The following SNTG1 variants were observed in gnomAD, a reference collection of about 807,000 sequenced individuals.
SNTG1 encodes the protein syntrophin gamma 1.
SNTG1 carries 39 observed loss-of-function variants against 74.7 expected under a neutral mutation model. That is an observed-to-expected ratio of 0.52 (90% CI 0.40 to 0.68). The LOEUF is 0.68. Among genes scored for constraint, SNTG1 ranks in the 30% least tolerant of loss-of-function variants. The pLI is 0.00. For missense variants in SNTG1, 685 were observed against 609.5 expected (o/e 1.12, Z -1.30); for synonymous variants, 254 against 217.1 (o/e 1.17, Z -1.49).
chr8:50,640,592 A>T (rs1317540867), intron 13 of SNTG1, among the ~76,000 whole-genome samples: 9 of 152,106 alleles, frequency 5.9e-5, no homozygotes, highest in Admixed American at 5.9e-4. Flanking sequence ...AGACATGGAC[A>T]CCTATCTACC....
chr8:50,100,625 AC>A (rs1482694125), intron 1 of SNTG1, among the ~76,000 whole-genome samples: 1 of 152,094 alleles, frequency 6.6e-6, no homozygotes, highest in Non-Finnish European at 1.5e-5. Context: ...TACTTGACAA[AC>A]TTTTGAGGTA....
intron 1 of SNTG1, among the ~76,000 whole-genome samples, chr8:50,025,033 G>T (rs1225928277): frequency 2.6e-5 from 4 of 152,054 alleles, no homozygotes; most frequent in Non-Finnish European, 5.9e-5. Flanking sequence ...GTGAAACTGT[G>T]GATAAGGGCA....
At chr8:50,414,180 T>C (rs1209490890) in intron 4 of SNTG1, among the ~76,000 whole-genome samples, 1 of 152,168 alleles carries the variant, frequency 6.6e-6, no homozygotes. Flanking sequence ...GGCTCTATAA[T>C]GTGTTATGAA....
intron 2 of SNTG1, among the ~76,000 whole-genome samples, chr8:50,300,676 GT>G (rs2089606130): frequency 6.6e-6 from 1 of 151,990 alleles, no homozygotes; most frequent in South Asian, 2.1e-4. Context: ...AGTATTCATT[GT>G]TTCTCTGTGT....
chr8:50,005,274 A>C (rs1451249754), intron 1 of SNTG1, among the ~76,000 whole-genome samples: 2 of 152,162 alleles, frequency 1.3e-5, no homozygotes, highest in Admixed American at 1.3e-4. Context: ...TACAAATAAA[A>C]ACTATTATTT....
intron 13 of SNTG1, among the ~76,000 whole-genome samples, chr8:50,620,499 C>G (rs960287630): frequency 6.6e-6 from 1 of 152,124 alleles, no homozygotes. Context: ...ATGTGTCAGG[C>G]GTACTATTCT....
intron 2 of SNTG1, among the ~76,000 whole-genome samples, chr8:50,338,340 G>C (rs2091218408): frequency 6.6e-6 from 1 of 152,046 alleles, no homozygotes; most frequent in Admixed American, 6.6e-5. Context: ...ACTCACATCA[G>C]TTTCTTTTAC....
chr8:50,064,460 G>A (rs1157475996), intron 1 of SNTG1, among the ~76,000 whole-genome samples: 2 of 152,022 alleles, frequency 1.3e-5, no homozygotes, highest in Non-Finnish European at 2.9e-5. Context: ...ATCTCCTAAT[G>A]AACTTTCCCG....
intron 1 of SNTG1, among the ~76,000 whole-genome samples, chr8:50,092,278 A>G (rs1222115045): frequency 6.6e-6 from 1 of 152,176 alleles, no homozygotes; most frequent in East Asian, 1.9e-4. Context: ...CATTGCTATC[A>G]GTGGACATGT....
intron 2 of SNTG1, among the ~76,000 whole-genome samples, chr8:50,352,540 G>A (rs780368598): frequency 1.7e-4 from 26 of 152,018 alleles, no homozygotes; most frequent in Non-Finnish European, 3.2e-4. Flanking sequence ...ACAGGCATGC[G>A]CCACCACACC....
rs577585726 is a variant in SNTG1 at position 50,792,931 on chromosome 8, G to T, written c.*102G>T. On this transcript the variant is annotated 3_prime_UTR_variant, in exon 19 of 19. Transcript: ENST00000642720. ...AAACCATAACATCACCAAGTCGACAGTGGAGGCAAATCAAAATTTCGGCAG... is the reference window on the plus strand; with the variant it reads ...AAACCATAACATCACCAAGTCGACATTGGAGGCAAATCAAAATTTCGGCAG... The T allele has an allele frequency of 3.2e-5, 43 of 1,325,356 alleles. No homozygotes were observed. In the South Asian group the frequency reaches 5.3e-4, roughly 16 times the overall value. 82.1% of individuals were successfully genotyped at this position (1,325,356 alleles called of 1,614,324 possible). A position where few individuals can be genotyped will look rare whatever the true frequency, so the allele number is the denominator to read the frequency against.
chr8:50,247,530 G>T (rs899460512), intron 2 of SNTG1, among the ~76,000 whole-genome samples: 3 of 152,062 alleles, frequency 2.0e-5, no homozygotes, highest in African/African-American at 7.2e-5. Context: ...AAATTTTAGA[G>T]ACAAATACTC....
intron 17 of SNTG1, among the ~76,000 whole-genome samples, chr8:50,732,564 A>T (rs536757458): frequency 1.3e-5 from 2 of 152,128 alleles, no homozygotes; most frequent in African/African-American, 4.8e-5. Context: ...AAGGTGTTTA[A>T]CATATTCCTT....
chr8:50,420,682 C>T (rs1450823708), intron 4 of SNTG1, among the ~76,000 whole-genome samples: 4 of 151,928 alleles, frequency 2.6e-5, no homozygotes, highest in East Asian at 3.9e-4. Flanking sequence ...TTTAACATTG[C>T]CTAATGTGCT....
intron 1 of SNTG1, among the ~76,000 whole-genome samples, chr8:49,979,118 A>G (rs566002850): frequency 5.3e-5 from 8 of 152,338 alleles, no homozygotes; most frequent in African/African-American, 1.9e-4. Context: ...GAATGAGCGA[A>G]TTTGGTAGTG....
intron 13 of SNTG1, among the ~76,000 whole-genome samples, chr8:50,605,770 T>C (rs2094807816): frequency 6.6e-6 from 1 of 152,178 alleles, no homozygotes; most frequent in South Asian, 2.1e-4. Context: ...TTGGTTAAAA[T>C]TTGGTGCTTC....
chr8:49,959,326 T>A (rs757806578), intron 1 of SNTG1, among the ~76,000 whole-genome samples: 1 of 152,180 alleles, frequency 6.6e-6, no homozygotes, highest in Non-Finnish European at 1.5e-5. Flanking sequence ...ATGTCATTGA[T>A]AAATAGGACT....
At chr8:50,287,901 C>CT (rs1371921845) in intron 2 of SNTG1, among the ~76,000 whole-genome samples, 1 of 146,936 alleles carries the variant, frequency 6.8e-6, no homozygotes, top group African/African-American at 2.4e-5. Context: ...TTCCACCCCT[C>CT]TGTGTCCATC....
chr8:50,623,297 C>T (rs1479861769), intron 13 of SNTG1, among the ~76,000 whole-genome samples: 2 of 152,074 alleles, frequency 1.3e-5, no homozygotes, highest in South Asian at 4.1e-4. Flanking sequence ...GTGATGGTAG[C>T]TGTGGGGTTG....
Sources: allele counts gnomAD v4.1 joint callset (sites outside exome capture counted in the v4.1 genomes callset), GRCh38; gene constraint gnomAD v4.1.1; transcripts MANE v1.5; gene names NCBI Gene and HGNC (gene_info 2026-07-23, HGNC 2026-07-21).